NRG3: variants seen among roughly 807,000 people sequenced by gnomAD.
The protein encoded by NRG3 is neuregulin 3.
Under a neutral mutation model 66.9 loss-of-function variants are expected in NRG3, and 31 were observed. The ratio of observed to expected loss-of-function variants is 0.46; its 90% CI spans 0.35 to 0.63. The LOEUF (loss-of-function observed/expected upper bound fraction) is 0.63. NRG3 is among the 20% of genes least tolerant of loss of function. The pLI is 0.00. For missense variants in NRG3, 910 were observed against 878.9 expected (o/e 1.04, Z -0.45); for synonymous variants, 393 against 359.4 (o/e 1.09, Z -1.06).
intron 2 of NRG3, among the ~76,000 whole-genome samples, chr10:82,411,750 C>A (rs946117448): frequency 6.6e-6 from 1 of 152,088 alleles, no homozygotes; most frequent in East Asian, 1.9e-4. Flanking sequence ...ATCTTCACAA[C>A]TGTGGCTTCT....
intron 2 of NRG3, among the ~76,000 whole-genome samples, chr10:82,632,535 C>T (rs1309816924): frequency 6.6e-6 from 1 of 152,084 alleles, no homozygotes; most frequent in African/African-American, 2.4e-5. Flanking sequence ...GAACTTTTCC[C>T]TGGCAGAAAT....
At chr10:82,764,688 A>T (rs1053608098) in intron 3 of NRG3, among the ~76,000 whole-genome samples, 5 of 152,140 alleles carry the variant, frequency 3.3e-5, no homozygotes, top group South Asian at 2.1e-4. Context: ...CAAATAAAAA[A>T]TTTTTAAAAA....
chr10:82,067,171 A>C (rs1471367610), intron 1 of NRG3, among the ~76,000 whole-genome samples: 5 of 152,254 alleles, frequency 3.3e-5, no homozygotes, highest in Non-Finnish European at 4.4e-5. Flanking sequence ...CCCAATTGAC[A>C]AAAATTTGAA....
chr10:82,311,149 T>C (rs145034818), intron 1 of NRG3, among the ~76,000 whole-genome samples: 43 of 141,550 alleles, frequency 3.0e-4, no homozygotes, highest in South Asian at 1.1e-3. Flanking sequence ...CAGTTCTTTC[T>C]GGCTCCTCCG....
At chr10:82,551,230 G>T (rs2044286142) in intron 2 of NRG3, among the ~76,000 whole-genome samples, 1 of 152,118 alleles carries the variant, frequency 6.6e-6, no homozygotes, top group African/African-American at 2.4e-5. Context: ...GAGAGAGAAA[G>T]AGTTTACAAT....
At chr10:82,078,413 C>T (rs1001351835) in intron 1 of NRG3, among the ~76,000 whole-genome samples, 9 of 152,168 alleles carry the variant, frequency 5.9e-5, no homozygotes, top group Non-Finnish European at 7.4e-5. Context: ...TGCAGTGGCA[C>T]GATCTCGGCT....
chr10:82,445,660 G>T (rs1469778144), intron 2 of NRG3, among the ~76,000 whole-genome samples: 1 of 152,142 alleles, frequency 6.6e-6, no homozygotes, highest in Non-Finnish European at 1.5e-5. Context: ...CACTCAAACA[G>T]CAAGACTTAC....
chr10:82,118,565 T>G (rs2132331894), intron 1 of NRG3, among the ~76,000 whole-genome samples: 1 of 152,226 alleles, frequency 6.6e-6, no homozygotes, highest in Non-Finnish European at 1.5e-5. Context: ...AGAGAGCCAG[T>G]CTCTTCCTAG....
At chr10:82,661,420 A>T (rs1174018926) in intron 2 of NRG3, among the ~76,000 whole-genome samples, 1 of 152,060 alleles carries the variant, frequency 6.6e-6, no homozygotes, top group Non-Finnish European at 1.5e-5. Context: ...ATATATAAGT[A>T]ATATTACATA....
intron 1 of NRG3, among the ~76,000 whole-genome samples, chr10:82,009,444 T>C (rs1349990144): frequency 6.6e-6 from 1 of 152,132 alleles, no homozygotes; most frequent in Admixed American, 6.5e-5. Flanking sequence ...CAAGCATACA[T>C]ACCTAGTCTG....
chr10:82,742,331 G>C (rs1411098328), intron 3 of NRG3, among the ~76,000 whole-genome samples: 1 of 152,112 alleles, frequency 6.6e-6, no homozygotes, highest in Non-Finnish European at 1.5e-5. Flanking sequence ...TGGCTTGAGT[G>C]TCTTAGCAGT....
chr10:82,734,920 A>T (rs1472086251), intron 2 of NRG3, among the ~76,000 whole-genome samples: 1 of 151,054 alleles, frequency 6.6e-6, no homozygotes, highest in Non-Finnish European at 1.5e-5. Context: ...CAGGAGGCTG[A>T]GGCTGTAGGA....
chr10:82,044,557 A>T (rs2063183876), intron 1 of NRG3, among the ~76,000 whole-genome samples: 1 of 151,934 alleles, frequency 6.6e-6, no homozygotes, highest in South Asian at 2.1e-4. Context: ...CATCATAACG[A>T]AATAATTTTT....
At chr10:81,976,148 A>G (rs1350768090) in intron 1 of NRG3, among the ~76,000 whole-genome samples, 2 of 152,214 alleles carry the variant, frequency 1.3e-5, no homozygotes, top group Non-Finnish European at 2.9e-5. Context: ...TAGTAATAGT[A>G]AACTAATATA....
intron 2 of NRG3, among the ~76,000 whole-genome samples, chr10:82,372,172 A>G (rs1017167682): frequency 2.0e-5 from 3 of 152,242 alleles, no homozygotes; most frequent in African/African-American, 7.2e-5. Context: ...TTGCTGGCCA[A>G]CAAAGGCTTG....
At chr10:82,872,247 AT>A (rs1245900288) in intron 4 of NRG3, among the ~76,000 whole-genome samples, 1 of 152,158 alleles carries the variant, frequency 6.6e-6, no homozygotes, top group Non-Finnish European at 1.5e-5. Flanking sequence ...CCTGAGATAA[AT>A]GGATAAATGT....
At chr10:82,117,029 C>G (rs1011341843) in intron 1 of NRG3, among the ~76,000 whole-genome samples, 2 of 152,220 alleles carry the variant, frequency 1.3e-5, no homozygotes, top group African/African-American at 4.8e-5. Context: ...ACAATGTACC[C>G]CTACAGCTCT....
At chr10:81,929,139 T>A (rs1210380412) in intron 1 of NRG3, among the ~76,000 whole-genome samples, 2 of 152,132 alleles carry the variant, frequency 1.3e-5, no homozygotes, top group South Asian at 2.1e-4. Context: ...CACTTTTTTT[T>A]AAATTGACTT....
At chr10:82,233,672 G>GTTCTCCTCCCCACTCTTGC (rs2076612790) in intron 1 of NRG3, among the ~76,000 whole-genome samples, 1 of 151,832 alleles carries the variant, frequency 6.6e-6, no homozygotes, top group Admixed American at 6.6e-5. Flanking sequence ...ATACCTCTTG[G>GTTCTCCTCCCCACTCTTGC]TTCTCCTCCC....
Sources: allele counts gnomAD v4.1 joint callset (sites outside exome capture counted in the v4.1 genomes callset), GRCh38; gene constraint gnomAD v4.1.1; transcripts MANE v1.5; gene names NCBI Gene and HGNC (gene_info 2026-07-23, HGNC 2026-07-21).